Variants in CADM1 observed in about 807,000 individuals in gnomAD.
CADM1 encodes cell adhesion molecule 1.
A neutral mutation model predicts 53.1 loss-of-function variants in CADM1; 15 were observed. The ratio of observed to expected loss-of-function variants is 0.28; its 90% CI spans 0.19 to 0.44. The LOEUF (loss-of-function observed/expected upper bound fraction) is 0.44. Ranked by LOEUF, CADM1 falls within the 20% of genes least tolerant of loss-of-function variation. The pLI, the probability that CADM1 is intolerant of heterozygous loss-of-function variation, is 1.00. For synonymous variants in CADM1, 281 were observed against 243.0 expected, an observed-to-expected ratio of 1.16 and a Z score of -1.45; for missense variants, 434 against 611.3, an observed-to-expected ratio of 0.71 and a Z score of 3.06.
intron 1 of CADM1, among the ~76,000 whole-genome samples, chr11:115,499,948 T>G (rs868385528): frequency 6.6e-6 from 1 of 152,214 alleles, no homozygotes; most frequent in African/African-American, 2.4e-5. Context: ...TATATAAGTA[T>G]GTATATGTAT....
rs1013895563 is a variant in CADM1, at chr11:115,228,817, C to T, written c.721+296G>A. Among the ~76,000 whole-genome samples, 23 of 152,230 alleles carry T rather than the reference C, an allele frequency of 1.5e-4. 1 individual carries two copies. Among genetic ancestry groups the T allele is most frequent in the Non-Finnish European group, 5.9e-5 (4 of 68,006 alleles). ...AGGGGGAAAATTACCCTAGATTTTG[C>T]AGTTGGCATAGAAATGATGACAGTC... On this transcript the variant is annotated intron_variant, in intron 5 of 11. Coordinates refer to ENST00000331581, the MANE Select transcript of CADM1 (RefSeq NM_001301043.2).
At chr11:115,388,221 TAGAC>T (rs1286439267) in intron 1 of CADM1, among the ~76,000 whole-genome samples, 1 of 152,188 alleles carries the variant, frequency 6.6e-6, no homozygotes, top group East Asian at 1.9e-4. Flanking sequence ...GATAGATGGA[TAGAC>T]AGACTGACAG....
rs1246790234 is a variant in CADM1, at chr11:115,238,613, C to T, written c.311G>A (p.Ser104Asn). The T allele has an allele frequency of 2.5e-6, 4 of 1,613,750 alleles. No individual in the cohort carries two copies. The highest frequency in any genetic ancestry group is 3.4e-6 in the Non-Finnish European group (4 of 1,179,856). Residue 104 changes from serine (S) to asparagine (N), a missense_variant, in exon 3 of 12, where the codon AGC (serine) becomes AAC (asparagine). Physicochemically the swap from Ser to Asn is conservative, Grantham distance 46 (BLOSUM62 1). This residue lies in a region of CADM1 where 311 missense variants were observed against 435.1 expected (regional missense o/e 0.71). Coordinates refer to ENST00000331581, the MANE Select transcript of CADM1 (RefSeq NM_001301043.2). ...TGTCAATGATACTTTGAGTTCACTG[C>T]TAGAAAAATTCAGCAACTGAAACCT... ...DSRFQLLNFS[S>N]SELKVSLTNV...
chr11:115,373,119 G>A (rs1946349194), intron 1 of CADM1, among the ~76,000 whole-genome samples: 1 of 152,168 alleles, frequency 6.6e-6, no homozygotes, highest in Non-Finnish European at 1.5e-5. Flanking sequence ...TCTGGCCTTG[G>A]GCAGAGCCTT....
At chr11:115,497,906 CA>C (rs1244804451) in intron 1 of CADM1, among the ~76,000 whole-genome samples, 1 of 103,632 alleles carries the variant, frequency 9.6e-6, no homozygotes, top group South Asian at 3.2e-4. Context: ...TGTCTGGAAA[CA>C]AAAAAACCAA....
chr11:115,412,797 G>A (rs1947491187), intron 1 of CADM1, among the ~76,000 whole-genome samples: 3 of 152,128 alleles, frequency 2.0e-5, no homozygotes, highest in Non-Finnish European at 4.4e-5. Flanking sequence ...CAAGCATCAA[G>A]GGTCTTTCCC....
intron 1 of CADM1, among the ~76,000 whole-genome samples, chr11:115,458,963 G>A (rs1178008997): frequency 6.6e-6 from 1 of 152,076 alleles, no homozygotes; most frequent in Non-Finnish European, 1.5e-5. Context: ...GCATAGCAAG[G>A]CTTCACAATT....
intron 1 of CADM1, among the ~76,000 whole-genome samples, chr11:115,256,488 C>T (rs45604331): frequency 1.3e-5 from 2 of 152,136 alleles, no homozygotes; most frequent in Admixed American, 6.5e-5. Flanking sequence ...TTGTGCCATC[C>T]GGATATAGGC....
At chr11:115,463,752 T>G (rs192092424) in intron 1 of CADM1, among the ~76,000 whole-genome samples, 2 of 152,214 alleles carry the variant, frequency 1.3e-5, no homozygotes, top group African/African-American at 4.8e-5. Context: ...TACAGCTAAG[T>G]GTTTTAACGC....
At chr11:115,339,221 C>T (rs917339156) in intron 1 of CADM1, among the ~76,000 whole-genome samples, 5 of 151,952 alleles carry the variant, frequency 3.3e-5, no homozygotes, top group Admixed American at 1.3e-4. Context: ...GTCAGTGTGG[C>T]GATTCCTCAG....
At chr11:115,312,796 A>G (rs1944564991) in intron 1 of CADM1, among the ~76,000 whole-genome samples, 1 of 152,148 alleles carries the variant, frequency 6.6e-6, no homozygotes, top group African/African-American at 2.4e-5. Context: ...GAACTCTGAC[A>G]ACCCTTTGTT....
intron 1 of CADM1, among the ~76,000 whole-genome samples, chr11:115,466,848 G>A (rs1948908986): frequency 6.6e-6 from 1 of 152,088 alleles, no homozygotes; most frequent in African/African-American, 2.4e-5. Context: ...AAAATCAATT[G>A]AATCGTAGGT....
intron 1 of CADM1, among the ~76,000 whole-genome samples, chr11:115,343,207 C>G (rs1032973155): frequency 6.6e-6 from 1 of 151,998 alleles, no homozygotes; most frequent in Non-Finnish European, 1.5e-5. Flanking sequence ...GTTAATTGTC[C>G]AAGGTCAAAC....
intron 10 of CADM1, among the ~76,000 whole-genome samples, chr11:115,182,167 CTCAT>C (rs1939344403): frequency 6.6e-6 from 1 of 152,166 alleles, no homozygotes. Context: ...AGATTCCCGG[CTCAT>C]TTTCTGAATC....
intron 1 of CADM1, among the ~76,000 whole-genome samples, chr11:115,410,649 A>T (rs572189062): frequency 2.0e-5 from 3 of 152,164 alleles, no homozygotes; most frequent in Non-Finnish European, 4.4e-5. Flanking sequence ...TTCGATGTTT[A>T]AAAAAAGGGA....
chr11:115,219,391 C>T (rs996871126), intron 5 of CADM1, among the ~76,000 whole-genome samples: 1 of 152,146 alleles, frequency 6.6e-6, no homozygotes, highest in African/African-American at 2.4e-5. Context: ...CTAAAAATTA[C>T]ATGGCATTCA....
At chr11:115,357,597 C>G (rs1945910877) in intron 1 of CADM1, among the ~76,000 whole-genome samples, 1 of 152,254 alleles carries the variant, frequency 6.6e-6, no homozygotes, top group East Asian at 1.9e-4. Flanking sequence ...CTGTTCTAAG[C>G]TCTGTTTTCT....
chr11:115,184,206 A>T (rs1939439140), intron 10 of CADM1, among the ~76,000 whole-genome samples: 1 of 152,222 alleles, frequency 6.6e-6, no homozygotes, highest in South Asian at 2.1e-4. Context: ...GACCTAAAAA[A>T]AAAATGACAC....
chr11:115,254,547 CAA>C (rs1322766375), intron 1 of CADM1, among the ~76,000 whole-genome samples: 10 of 118,584 alleles, frequency 8.4e-5, no homozygotes, highest in African/African-American at 3.8e-4. Context: ...GCAAGGGAGA[CAA>C]ACACACACAC....
Sources: gnomAD v4.1 joint callset for allele counts (sites outside exome capture counted in the v4.1 genomes callset) on GRCh38, gnomAD v4.1.1 for gene constraint, gnomAD v4.1.1 regional missense constraint, MANE v1.5 for transcripts, NCBI Gene and HGNC (gene_info 2026-07-23, HGNC 2026-07-21) for gene names.